CEP350: variants seen among roughly 807,000 people sequenced by gnomAD.
CEP350 encodes centrosome-associated protein 350.
Under a neutral mutation model 331.8 loss-of-function variants are expected in CEP350, and 126 were observed. That is an observed-to-expected ratio of 0.38 (90% CI 0.33 to 0.44). CEP350 has a LOEUF of 0.44. CEP350 is among the 20% of genes least tolerant of loss of function. CEP350 has a pLI of 1.00. For missense variants in CEP350, 3,406 were observed against 3,634.6 expected (o/e 0.94, Z 1.62); for synonymous variants, 1,200 against 1,259.5 (o/e 0.95, Z 1.00).
Position 180,053,942 on chromosome 1 carries a change from C to CCTT in CEP350, c.5174+8_5174+9insCTT. ...GTTAGAGCATCAAAAAAAGTAAGTTCTTTTGAGCAGTTTTCACTAATTTCT... is the reference window on the plus strand; with the variant it reads ...GTTAGAGCATCAAAAAAAGTAAGTTCCTTTTTTGAGCAGTTTTCACTAATTTCT... On this transcript the variant is annotated intron_variant, in intron 24 of 37. Transcript: ENST00000367607. 1 of 1,528,610 alleles carries CCTT rather than the reference C, an allele frequency of 6.5e-7. No individual in the cohort carries two copies. The highest frequency in any genetic ancestry group is 1.3e-5 in the South Asian group (1 of 77,122). 94.7% of individuals were successfully genotyped at this position (1,528,610 alleles called of 1,614,324 possible). A position where few individuals can be genotyped will look rare whatever the true frequency, so the allele number is the denominator to read the frequency against.
At chr1:179,998,886 T>G (rs1653670386) in intron 6 of CEP350, among the ~76,000 whole-genome samples, 1 of 147,958 alleles carries the variant, frequency 6.8e-6, no homozygotes, top group Non-Finnish European at 1.5e-5. Flanking sequence ...AGCTAATTTG[T>G]GAGAAATTGT....
At chr1:179,988,152 C>G (rs1039731392) in intron 3 of CEP350, among the ~76,000 whole-genome samples, 1 of 151,942 alleles carries the variant, frequency 6.6e-6, no homozygotes, top group African/African-American at 2.4e-5. Context: ...CAAAAATTAG[C>G]TGGGTGTGGT....
At chr1:180,078,422 G>A in intron 28 of CEP350, 41 bp from the exon 29 acceptor site, 1 of 1,449,592 alleles carries the variant, frequency 6.9e-7, no homozygotes, top group Non-Finnish European at 9.6e-7. Flanking sequence ...CATTGACCAA[G>A]ATTGTATCTT....
chr1:180,068,973 A>G (rs1393546892), intron 27 of CEP350, among the ~76,000 whole-genome samples: 4 of 152,226 alleles, frequency 2.6e-5, no homozygotes, highest in African/African-American at 4.8e-5. Context: ...CTTTTTTAAG[A>G]GTCTCACTAT....
chr1:180,008,895 C>T (rs1654432354), intron 8 of CEP350, among the ~76,000 whole-genome samples: 1 of 152,178 alleles, frequency 6.6e-6, no homozygotes, highest in South Asian at 2.1e-4. Context: ...TGGCAGATAA[C>T]ACATTTTGTG....
At chr1:180,000,911 T>TATATAG (rs1216050084) in intron 6 of CEP350, 3 of 152,214 alleles carry the variant, frequency 2.0e-5, no homozygotes, top group Non-Finnish European at 4.4e-5. Context: ...TTTTTTCCCT[T>TATATAG]ATATAGATAT....
At position 180,034,058 on chromosome 1, in the gene CEP350, A is replaced by G; in HGVS notation, c.3922A>G (p.Thr1308Ala). 1 of 1,613,802 alleles carries G rather than the reference A, an allele frequency of 6.2e-7. No homozygotes were observed. Among genetic ancestry groups the G allele is most frequent in the Non-Finnish European group, 8.5e-7 (1 of 1,179,752 alleles). ...GAACCCGGCAGCCAGCAGAACAACG[A>G]CAGAGAACATGGCTCCAATACCAGG... is the stretch of plus-strand genomic sequence containing the variant. ...DLNPAASRTT[T>A]ENMAPIPGSK... Residue 1308 changes from threonine (T) to alanine (A), a missense_variant, in exon 16 of 38, where the codon ACA (threonine) becomes GCA (alanine). Physicochemically the swap from Thr to Ala is moderately conservative, Grantham distance 58. Coordinates refer to ENST00000367607, the MANE Select transcript of CEP350 (RefSeq NM_014810.5).
intron 33 of CEP350, among the ~76,000 whole-genome samples, chr1:180,091,833 A>C (rs867021599): frequency 1.4e-4 from 21 of 152,144 alleles, no homozygotes; most frequent in African/African-American, 5.1e-4. Flanking sequence ...TATCTCAAAA[A>C]AAAAAAAAAA....
chr1:180,077,052 T>C (rs1404348149), intron 28 of CEP350, among the ~76,000 whole-genome samples: 6 of 152,152 alleles, frequency 3.9e-5, no homozygotes, highest in Non-Finnish European at 1.5e-5. Context: ...GAAAAAGAAT[T>C]AAAAGCTATA....
chr1:180,092,521 C>A, intron 33 of CEP350, 93 bp from the exon 34 acceptor site: 1 of 882,912 alleles, frequency 1.1e-6, no homozygotes, highest in Admixed American at 3.2e-5. Context: ...GGGTTTTTTT[C>A]ACTAAAATTT....
rs1660355334 is a variant in CEP350 at position 180,094,251 on chromosome 1, T to C, written c.8146T>C (p.Cys2716Arg). 1.2e-6 allele frequency: 2 copies of C among 1,613,404 alleles called. No homozygotes were observed. The highest frequency in any genetic ancestry group is 8.5e-7 in the Non-Finnish European group (1 of 1,179,648). Residue 2716 changes from cysteine to arginine, a missense_variant, in exon 34 of 38, where the codon TGT becomes CGT. Cys to Arg is a radical substitution (Grantham distance 180). Transcript: ENST00000367607. ...ATATGCTGAAGCTTCAGAAAAGCTT[T>C]GTACACCACTTCTGGATCTTTTAAC... Reference protein sequence around the residue: ...NLYAEASEKLCTPLLDLLTRE... With the variant: ...NLYAEASEKLRTPLLDLLTRE...
At position 180,084,178 on chromosome 1, in the gene CEP350, G is replaced by A; in HGVS notation, c.6285G>A (p.Glu2095=). ...AQEASLIKQL[E]SYDEFIKKTE... ...AAGCCAGTCTGATCAAGCAGTTAGA[G>A]GTTAGACATAGGAAGAAGGGGGTTT... is the stretch of plus-strand genomic sequence containing the variant. Residue 2095 remains glutamate (E), a splice_region_variant and synonymous_variant, in exon 31 of 38, where the codon GAG becomes GAA. Transcript: ENST00000367607. 1 of 1,582,446 alleles carries A rather than the reference G, an allele frequency of 6.3e-7. No individual in the cohort carries two copies. The highest frequency in any genetic ancestry group is 8.6e-7 in the Non-Finnish European group (1 of 1,164,788).
chr1:179,958,927 A>G (rs1460102815), intron 1 of CEP350, among the ~76,000 whole-genome samples: 4 of 152,230 alleles, frequency 2.6e-5, no homozygotes. Flanking sequence ...AAGGATAGAC[A>G]TTAAACATGT....
rs375082306 is a variant in CEP350, at chr1:180,020,992, A to G, written c.3218A>G (p.Tyr1073Cys). ...HSVINIFTKS[Y>C]QLYGKGFEDK... ...GTCATTAATATTTTTACAAAATCCTATCAGTTATATGGAAAAGGTGAGAAA... is the reference window on the plus strand; with the variant it reads ...GTCATTAATATTTTTACAAAATCCTGTCAGTTATATGGAAAAGGTGAGAAA... Residue 1073 changes from tyrosine to cysteine, a missense_variant, in exon 12 of 38, where the codon TAT becomes TGT. Physicochemically the swap from Tyr to Cys is radical, Grantham distance 194. Coordinates refer to ENST00000367607, the MANE Select transcript of CEP350 (RefSeq NM_014810.5). The G allele has an allele frequency of 4.8e-5, 74 of 1,544,772 alleles. No homozygotes were observed. Among genetic ancestry groups the G allele is most frequent in the Non-Finnish European group, 6.1e-5 (70 of 1,152,616 alleles).
chr1:179,969,469 C>T (rs574810178), intron 1 of CEP350: 115 of 484,832 alleles, frequency 2.4e-4, no homozygotes, highest in African/African-American at 2.2e-3. Context: ...TCCCACTGCT[C>T]AGGCCACTGA....
chr1:180,040,645 A>AT (rs566018160), intron 17 of CEP350, among the ~76,000 whole-genome samples: 305 of 149,322 alleles, frequency 2.0e-3, no homozygotes, highest in African/African-American at 5.9e-3. Flanking sequence ...GATGAAAAAA[A>AT]AAATATATAT....
chr1:179,955,333 C>T (rs1392416422), intron 1 of CEP350, among the ~76,000 whole-genome samples, 191 bp downstream of exon 1: 1 of 152,172 alleles, frequency 6.6e-6, no homozygotes, highest in East Asian at 1.9e-4. Context: ...GGTTTCGGGT[C>T]CCACCAGTGC....
intron 29 of CEP350, among the ~76,000 whole-genome samples, 196 bp downstream of exon 29, chr1:180,078,870 T>C (rs1659397019): frequency 6.6e-6 from 1 of 152,202 alleles, no homozygotes; most frequent in South Asian, 2.1e-4. Context: ...GGTTATAAAA[T>C]CATTTGCTAT....
At chr1:180,087,830 T>A in intron 32 of CEP350, 113 bp downstream of exon 32, 1 of 1,119,428 alleles carries the variant, frequency 8.9e-7, no homozygotes, top group Non-Finnish European at 1.2e-6. Flanking sequence ...GTAAAAATAT[T>A]ATTTTCTATT....
Sources: allele counts gnomAD v4.1 joint callset (sites outside exome capture counted in the v4.1 genomes callset), GRCh38; gene constraint gnomAD v4.1.1; transcripts MANE v1.5; gene names NCBI Gene and HGNC (gene_info 2026-07-23, HGNC 2026-07-21).